The following PATJ variants were observed in gnomAD, a reference collection of about 807,000 sequenced individuals.
PATJ encodes the protein inaD-like protein.
Under a neutral mutation model 224.9 loss-of-function variants are expected in PATJ, and 190 were observed. The ratio of observed to expected loss-of-function variants is 0.84; its 90% CI spans 0.75 to 0.95. PATJ has a LOEUF of 0.95. Ranked by LOEUF, PATJ falls within the 40% of genes least tolerant of loss-of-function variation. The pLI is 0.00. For missense variants in PATJ, 2,121 were observed against 2,270.3 expected (o/e 0.93, Z 1.34); for synonymous variants, 769 against 820.3 (o/e 0.94, Z 1.07).
At chr1:61,828,627 A>C (rs183754517) in intron 16 of PATJ, among the ~76,000 whole-genome samples, 1 of 152,184 alleles carries the variant, frequency 6.6e-6, no homozygotes, top group Admixed American at 6.5e-5. Context: ...CCTGGACTCA[A>C]GCAATCCTCC....
chr1:61,871,442 T>TAC (rs369863473), intron 20 of PATJ, among the ~76,000 whole-genome samples: 1 of 29,030 alleles, frequency 3.4e-5, no homozygotes, highest in African/African-American at 1.0e-4. Flanking sequence ...TATGTGTATA[T>TAC]ACACATATAT....
chr1:61,968,472 G>C (rs1682482152), intron 27 of PATJ, among the ~76,000 whole-genome samples: 1 of 152,074 alleles, frequency 6.6e-6, no homozygotes, highest in Non-Finnish European at 1.5e-5. Flanking sequence ...TAAGTGTACA[G>C]TTTAGTAGTG....
At position 62,100,389 on chromosome 1, in the gene PATJ, T is replaced by G. The variant is rs778125016; in HGVS notation, c.4378-8048T>G. On this transcript the variant is annotated intron_variant, in intron 33 of 43. Coordinates refer to ENST00000642238, the MANE Select transcript of PATJ (RefSeq NM_001350145.3). ...AGGGCCTTCATGCTGCATCATCCTGTGACAGAAGTTGAAGGGCAAGTGAGC... is the reference window on the plus strand; with the variant it reads ...AGGGCCTTCATGCTGCATCATCCTGGGACAGAAGTTGAAGGGCAAGTGAGC... The G allele has an allele frequency of 3.1e-5, 22 of 718,280 alleles. No homozygotes were observed. In the African/African-American group the frequency reaches 3.3e-4, roughly 11 times the overall value. The allele number at this position is 718,280 out of a possible 1,614,324, so 44.5% of individuals were successfully genotyped here.
At chr1:62,157,358 A>G (rs1669338180) in intron 43 of PATJ, among the ~76,000 whole-genome samples, 1 of 149,156 alleles carries the variant, frequency 6.7e-6, no homozygotes, top group South Asian at 2.2e-4. Flanking sequence ...CTAAGAAATT[A>G]TTTAATTCAA....
chr1:61,955,234 G>T lies in PATJ; in HGVS notation c.3670+27405G>T, dbSNP rs952164990. On this transcript the variant is annotated intron_variant, in intron 27 of 43. Transcript: ENST00000642238. Reference sequence around the variant, plus strand: ...GTATAGCATAGCCGCAGTTACTGTGGTGATGCATCATTAAGCATTTTTGGA... The same window carrying T: ...GTATAGCATAGCCGCAGTTACTGTGTTGATGCATCATTAAGCATTTTTGGA... Among the ~76,000 whole-genome samples the T allele has an allele frequency of 5.9e-5, 9 of 152,162 alleles. No individual in the cohort carries two copies. The East Asian group carries it at 1.5e-3, about 26-fold the overall frequency.
At chr1:62,151,414 C>A (rs577736252) in intron 42 of PATJ, among the ~76,000 whole-genome samples, 172 of 151,760 alleles carry the variant, frequency 1.1e-3, no homozygotes, top group African/African-American at 4.0e-3. Flanking sequence ...TGGTGAAAAA[C>A]CCCGTCTCTA....
At chr1:61,781,768 G>A (rs1041669319) in intron 7 of PATJ, among the ~76,000 whole-genome samples, 2 of 152,146 alleles carry the variant, frequency 1.3e-5, no homozygotes, top group Non-Finnish European at 2.9e-5. Context: ...ATAGGACTCA[G>A]CATACAGTTA....
chr1:61,986,793 A>G lies in PATJ; in HGVS notation c.3671-3375A>G, dbSNP rs532592887. 2.6e-3 allele frequency among the ~76,000 whole-genome samples: 390 copies of G among 152,228 alleles called. 3 individuals are homozygous for G. The highest frequency in any genetic ancestry group is 8.8e-3 in the African/African-American group (364 of 41,546). ...AATGTTTTCTAAGAAGTAGGTTTTAATTTCACTGAACTTCAGAATGCATTT... is the reference window on the plus strand; with the variant it reads ...AATGTTTTCTAAGAAGTAGGTTTTAGTTTCACTGAACTTCAGAATGCATTT... On this transcript the variant is annotated intron_variant, in intron 27 of 43. Coordinates refer to ENST00000642238, the MANE Select transcript of PATJ (RefSeq NM_001350145.3).
At chr1:61,855,117 T>C (rs1018710473) in intron 17 of PATJ, among the ~76,000 whole-genome samples, 2 of 152,146 alleles carry the variant, frequency 1.3e-5, no homozygotes, top group African/African-American at 4.8e-5. Context: ...AAGAACGGAG[T>C]ATCATTTCCC....
chr1:62,049,017 C>T (rs1002139136), intron 30 of PATJ, among the ~76,000 whole-genome samples: 1 of 152,128 alleles, frequency 6.6e-6, no homozygotes, highest in African/African-American at 2.4e-5. Flanking sequence ...TCATATAATT[C>T]TAAGTGGCAA....
chr1:61,852,119 T>TAAAAAAAAA (rs3030913), intron 17 of PATJ, among the ~76,000 whole-genome samples: 1 of 108,926 alleles, frequency 9.2e-6, no homozygotes, highest in African/African-American at 3.6e-5. Context: ...GATTCTGTCT[T>TAAAAAAAAA]AAAAAAAAAA....
chr1:61,821,723 C>T (rs1008054223), intron 14 of PATJ, among the ~76,000 whole-genome samples: 11 of 152,074 alleles, frequency 7.2e-5, no homozygotes, highest in African/African-American at 1.2e-4. Flanking sequence ...AAATATAGTT[C>T]GAGGTAGGTC....
intron 27 of PATJ, among the ~76,000 whole-genome samples, chr1:61,988,160 C>T (rs1478975354): frequency 2.6e-5 from 4 of 152,112 alleles, no homozygotes; most frequent in Non-Finnish European, 4.4e-5. Flanking sequence ...GATCGCACCA[C>T]TGCACTCCAG....
chr1:61,896,746 G>C (rs1269005501), intron 22 of PATJ, among the ~76,000 whole-genome samples: 1 of 152,138 alleles, frequency 6.6e-6, no homozygotes, highest in Non-Finnish European at 1.5e-5. Flanking sequence ...GTTTTCACAT[G>C]TTGTTCTCAT....
chr1:62,147,468 T>C (rs537202123), intron 41 of PATJ, among the ~76,000 whole-genome samples: 2 of 152,236 alleles, frequency 1.3e-5, no homozygotes, highest in South Asian at 4.1e-4. Context: ...GAGACCAGCC[T>C]GAGCAACATG....
chr1:61,767,078 C>T (rs980300415), intron 4 of PATJ, among the ~76,000 whole-genome samples: 12 of 151,680 alleles, frequency 7.9e-5, no homozygotes, highest in Non-Finnish European at 1.5e-4. Context: ...GGGTGACACC[C>T]CATAATTAAT....
At chr1:62,100,140 T>C (rs919418587) in intron 33 of PATJ, among the ~76,000 whole-genome samples, 3 of 152,232 alleles carry the variant, frequency 2.0e-5, no homozygotes, top group Non-Finnish European at 2.9e-5. Flanking sequence ...CTCTCTGAGC[T>C]AAAGTAAATC....
At chr1:62,153,311 C>T in intron 42 of PATJ, 47 bp from the exon 43 acceptor site, 4 of 1,207,470 alleles carry the variant, frequency 3.3e-6, no homozygotes, top group Non-Finnish European at 4.1e-6. Context: ...ATGAAATTCC[C>T]TCTCAATATC....
At position 62,116,627 on chromosome 1, in the gene PATJ, A is replaced by G; in HGVS notation, c.4751A>G (p.Asn1584Ser). 6.2e-7 allele frequency: 1 copy of G among 1,613,974 alleles called. No individual in the cohort carries two copies. The highest frequency in any genetic ancestry group is 1.1e-5 in the South Asian group (1 of 91,048). The change falls in exon 36 of 44, where the codon AAT becomes AGT. Residue 1584 changes from asparagine to serine, a missense_variant. Physicochemically the swap from Asn to Ser is conservative, Grantham distance 46. Coordinates refer to ENST00000642238, the MANE Select transcript of PATJ (RefSeq NM_001350145.3). ...CAGGGAGATCAGATCTTATCTGTGA[A>G]TGGGGAGGACATGAGAAATGCCTCA... Reference protein sequence around the residue: ...LIQGDQILSVNGEDMRNASQE... With the variant: ...LIQGDQILSVSGEDMRNASQE...
Sources: allele counts gnomAD v4.1 joint callset (sites outside exome capture counted in the v4.1 genomes callset), GRCh38; gene constraint gnomAD v4.1.1; transcripts MANE v1.5; gene names NCBI Gene and HGNC (gene_info 2026-07-23, HGNC 2026-07-21).